The following DPP6 variants were observed in gnomAD, a reference collection of about 807,000 sequenced individuals.
DPP6 encodes the protein dipeptidyl peptidase like 6, also known as A-type potassium channel modulatory protein DPP6.
DPP6 carries 69 observed loss-of-function variants against 122.6 expected under a neutral mutation model. The observed-to-expected ratio is 0.56, with a 90% CI of 0.46 to 0.69. The LOEUF (loss-of-function observed/expected upper bound fraction) is 0.69, where lower values mean the gene tolerates loss of function less well. Ranked by LOEUF, DPP6 falls within the 30% of genes least tolerant of loss-of-function variation. DPP6 has a pLI of 0.00. For missense variants in DPP6, 928 were observed against 1,116.9 expected (o/e 0.83, Z 2.41); for synonymous variants, 418 against 433.1 (o/e 0.97, Z 0.43).
intron 1 of DPP6, among the ~76,000 whole-genome samples, chr7:154,032,035 T>A (rs1382911754): frequency 6.6e-6 from 1 of 150,962 alleles, no homozygotes; most frequent in Non-Finnish European, 1.5e-5. Flanking sequence ...CTATTTTTTT[T>A]TTTTTTTTGT....
chr7:154,060,062 C>A (rs369145138), intron 1 of DPP6, among the ~76,000 whole-genome samples: 7 of 149,384 alleles, frequency 4.7e-5, no homozygotes, highest in Non-Finnish European at 9.0e-5. Flanking sequence ...ACCCCTCTTC[C>A]CCCCCTGGCT....
intron 1 of DPP6, among the ~76,000 whole-genome samples, chr7:154,010,597 CTT>C (rs1798114026): frequency 6.6e-6 from 1 of 152,186 alleles, no homozygotes; most frequent in Non-Finnish European, 1.5e-5. Context: ...CAGTGTCTAC[CTT>C]TCTGTGGCAT....
At position 154,218,259 on chromosome 7, in the gene DPP6, C is replaced by T. The variant is rs576511112; in HGVS notation, c.243+165196C>T. On this transcript the variant is annotated intron_variant, in intron 1 of 25. Transcript: ENST00000377770. The stretch of plus-strand genomic sequence containing the variant: ...GCCAGGATCACTAGAATCTGGGGTC[C>T]CTAATCCACACAACCTCACCCAGCC... 2.6e-5 allele frequency among the ~76,000 whole-genome samples: 4 copies of T among 152,228 alleles called. 1 individual carries two copies. The highest frequency in any genetic ancestry group is 2.1e-4 in the South Asian group (1 of 4,820).
the DPP6 span, among the ~76,000 whole-genome samples, chr7:153,820,710 G>A: frequency 1.3e-5 from 2 of 152,074 alleles, no homozygotes; most frequent in Admixed American, 6.6e-5. Flanking sequence ...CAGTTTGGTG[G>A]ATAATGAGCA....
At chr7:154,023,227 G>T (rs1321897807) in intron 1 of DPP6, among the ~76,000 whole-genome samples, 1 of 151,332 alleles carries the variant, frequency 6.6e-6, no homozygotes, top group East Asian at 1.9e-4. Context: ...TTTAACCACA[G>T]AGTTCACATG....
At chr7:154,018,057 C>T (rs564458792) in intron 1 of DPP6, among the ~76,000 whole-genome samples, 3 of 152,140 alleles carry the variant, frequency 2.0e-5, no homozygotes, top group Admixed American at 6.5e-5. Flanking sequence ...ATTATGCATA[C>T]CCATGGAACC....
intron 1 of DPP6, among the ~76,000 whole-genome samples, chr7:154,080,125 C>T (rs758192615): frequency 5.9e-5 from 9 of 151,840 alleles, no homozygotes; most frequent in Admixed American, 1.3e-4. Flanking sequence ...CTTTTCATAA[C>T]ACTTTGCATG....
At chr7:153,828,202 G>T in the DPP6 span, among the ~76,000 whole-genome samples, 3 of 152,176 alleles carry the variant, frequency 2.0e-5, no homozygotes, top group Non-Finnish European at 2.9e-5. Flanking sequence ...GTCCGAGAGG[G>T]CCTGCAAAAC....
intron 5 of DPP6, among the ~76,000 whole-genome samples, chr7:154,572,519 T>C (rs1429395386): frequency 8.1e-5 from 4 of 49,134 alleles, no homozygotes; most frequent in Non-Finnish European, 1.6e-4. Context: ...TCTTTTTTTT[T>C]TTTTTTTTTT....
intron 8 of DPP6, among the ~76,000 whole-genome samples, chr7:154,750,531 C>T (rs1039329570): frequency 2.6e-5 from 4 of 152,192 alleles, no homozygotes; most frequent in South Asian, 2.1e-4. Flanking sequence ...ACGGCGGGGG[C>T]GCTCCCTGGG....
At chr7:154,548,827 G>T (rs1485373248) in intron 4 of DPP6, among the ~76,000 whole-genome samples, 1 of 152,220 alleles carries the variant, frequency 6.6e-6, no homozygotes, top group Non-Finnish European at 1.5e-5. Context: ...AATCCAATGT[G>T]CAATGAGAAC....
chr7:154,288,574 T>C (rs1315735603), intron 1 of DPP6, among the ~76,000 whole-genome samples: 1 of 152,212 alleles, frequency 6.6e-6, no homozygotes, highest in Non-Finnish European at 1.5e-5. Context: ...TGTTGAACAA[T>C]GTCATCATGT....
chr7:154,645,115 T>G (rs1211630026), intron 6 of DPP6, among the ~76,000 whole-genome samples: 1 of 147,748 alleles, frequency 6.8e-6, no homozygotes, highest in Non-Finnish European at 1.5e-5. Context: ...CAGGCTGGAG[T>G]GCAGTGGTGT....
intron 10 of DPP6, among the ~76,000 whole-genome samples, chr7:154,773,529 A>G (rs1220719204): frequency 2.0e-5 from 3 of 152,168 alleles, no homozygotes; most frequent in African/African-American, 7.2e-5. Context: ...CCCAAATTCA[A>G]GCAGCGTGGG....
intron 1 of DPP6, among the ~76,000 whole-genome samples, chr7:154,393,358 T>G (rs990293716): frequency 6.6e-6 from 1 of 152,246 alleles, no homozygotes; most frequent in Non-Finnish European, 1.5e-5. Context: ...ACGAGCCTAG[T>G]GCAAACTGAG....
chr7:154,127,652 G>GACACACACACAC (rs66703506), intron 1 of DPP6, among the ~76,000 whole-genome samples: 3 of 79,104 alleles, frequency 3.8e-5, no homozygotes, highest in African/African-American at 1.0e-4. Context: ...CACACACACA[G>GACACACACACAC]ACACACACAC....
rs1829501213 is a variant in DPP6, at chr7:154,549,844, A to G, written c.552+9218A>G. 1.3e-5 allele frequency among the ~76,000 whole-genome samples: 2 copies of G among 152,160 alleles called. 1 individual carries two copies. The highest frequency in any genetic ancestry group is 4.1e-4 in the South Asian group (2 of 4,834). The stretch of plus-strand genomic sequence containing the variant: ...TGAATCAACCTCCAGTCTCTGGACG[A>G]TCATTATTTTGGCCTTAACTGTGGA... On this transcript the variant is annotated intron_variant, in intron 4 of 25. Coordinates refer to ENST00000377770, the MANE Select transcript of DPP6 (RefSeq NM_130797.4).
intron 4 of DPP6, among the ~76,000 whole-genome samples, chr7:154,565,713 C>T (rs751329843): frequency 5.3e-5 from 8 of 152,112 alleles, no homozygotes; most frequent in South Asian, 2.1e-4. Context: ...TTAGTGGAGA[C>T]GGAGTTTCTC....
chr7:153,797,806 A>C, the DPP6 span, among the ~76,000 whole-genome samples: 1 of 152,122 alleles, frequency 6.6e-6, no homozygotes, highest in East Asian at 1.9e-4. Flanking sequence ...CATAAGGTAG[A>C]GAGAGGGAGC....
Sources: allele counts gnomAD v4.1 joint callset (sites outside exome capture counted in the v4.1 genomes callset), GRCh38; gene constraint gnomAD v4.1.1; transcripts MANE v1.5; gene names NCBI Gene and HGNC (gene_info 2026-07-23, HGNC 2026-07-21).